ALOX5AP: variants seen among roughly 807,000 people sequenced by gnomAD.
ALOX5AP encodes arachidonate 5-lipoxygenase-activating protein.
A neutral mutation model predicts 18.5 loss-of-function variants in ALOX5AP; 9 were observed. The observed-to-expected ratio is 0.49, with a 90% CI of 0.29 to 0.85. The LOEUF (loss-of-function observed/expected upper bound fraction) is 0.85. ALOX5AP is among the 40% of genes least tolerant of loss of function. The probability of loss-of-function intolerance (pLI) is 0.08; values close to 1 mark genes in which losing one functional copy is unlikely to be tolerated. For missense variants in ALOX5AP, 172 were observed against 202.5 expected (o/e 0.85, Z 0.91); for synonymous variants, 81 against 78.6 (o/e 1.03, Z -0.16).
intron 1 of ALOX5AP, among the ~76,000 whole-genome samples, chr13:30,740,682 G>A (rs1347873134): frequency 6.6e-6 from 1 of 152,202 alleles, no homozygotes; most frequent in African/African-American, 2.4e-5. Flanking sequence ...TTGGACTGAA[G>A]CAGGTTTGTT....
At chr13:30,713,643 C>G in exon 1 of ALOX5AP, 1 of 985,124 alleles carries the variant, frequency 1.0e-6, no homozygotes, top group Non-Finnish European at 1.5e-6. Context: ...GAGGAGGACC[C>G]TGTCACATCT....
At chr13:30,748,937 C>T (rs1951830480) in intron 2 of ALOX5AP, among the ~76,000 whole-genome samples, 1 of 152,242 alleles carries the variant, frequency 6.6e-6, no homozygotes. Context: ...GCTAAAGCCA[C>T]TTGAATTCAG....
chr13:30,757,342 G>A (rs1264761336), intron 4 of ALOX5AP, among the ~76,000 whole-genome samples: 3 of 152,102 alleles, frequency 2.0e-5, no homozygotes, highest in Non-Finnish European at 4.4e-5. Flanking sequence ...GCTGCAGCTG[G>A]AAAAAGAATG....
At chr13:30,735,474 C>G, upstream of ALOX5AP, 1 of 1,129,774 alleles carries the variant, frequency 8.9e-7, no homozygotes, top group Non-Finnish European at 1.2e-6. Flanking sequence ...GAAGAAGGCA[C>G]TGTGTAATTG....
Position 30,753,886 on chromosome 13 carries a change from T to A in ALOX5AP, c.241+1764T>A, listed in dbSNP as rs571227876. On this transcript the variant is annotated intron_variant, in intron 3 of 4. Transcript: ENST00000380490. ...TTGGAGCAGAATCATTCAGATGGTATAACATAAGGAAAAACTTTGCCCAAG... is the reference window on the plus strand; with the variant it reads ...TTGGAGCAGAATCATTCAGATGGTAAAACATAAGGAAAAACTTTGCCCAAG... Among the ~76,000 whole-genome samples, 7 of 152,286 alleles carry A rather than the reference T, an allele frequency of 4.6e-5. No individual in the cohort carries two copies. The East Asian group carries it at 1.3e-3, about 29-fold the overall frequency.
rs144556108 is a variant in ALOX5AP, at chr13:30,743,766, A to T, written c.71-294A>T. Among the ~76,000 whole-genome samples the T allele has an allele frequency of 2.4e-3, 366 of 151,994 alleles. 2 individuals are homozygous for T. Among genetic ancestry groups the T allele is most frequent in the African/African-American group, 8.5e-3 (354 of 41,452 alleles). On this transcript the variant is annotated intron_variant, in intron 1 of 4. Transcript: ENST00000380490. ...ATGTACTCAATCTCATCTTGGCATGACTCACTTTGCTGTGTGGAATGTCTG... is the reference window on the plus strand; with the variant it reads ...ATGTACTCAATCTCATCTTGGCATGTCTCACTTTGCTGTGTGGAATGTCTG...
At chr13:30,735,821 T>C (rs1236860237) in intron 1 of ALOX5AP, 146 bp downstream of exon 1, 1 of 1,023,952 alleles carries the variant, frequency 9.8e-7, no homozygotes, top group Non-Finnish European at 1.4e-6. Flanking sequence ...TTTATTTGAA[T>C]GTATAGGGTT....
intron 2 of ALOX5AP, among the ~76,000 whole-genome samples, chr13:30,746,364 G>A (rs181524821): frequency 6.6e-4 from 100 of 152,358 alleles, no homozygotes; most frequent in African/African-American, 2.3e-3. Context: ...AGGGAGGGGA[G>A]AGATAGCCAT....
upstream of ALOX5AP, among the ~76,000 whole-genome samples, chr13:30,731,084 CT>C (rs1388452237): frequency 6.6e-6 from 1 of 152,194 alleles, no homozygotes; most frequent in Non-Finnish European, 1.5e-5. Flanking sequence ...GTAAAGTTAC[CT>C]TTGCTAACGG....
chr13:30,743,483 C>T (rs989759269), intron 1 of ALOX5AP, among the ~76,000 whole-genome samples: 8 of 151,994 alleles, frequency 5.3e-5, no homozygotes, highest in African/African-American at 1.9e-4. Context: ...TTGGCCTTGT[C>T]TGTGGTTCTA....
chr13:30,715,213 C>T (rs1951540472), intron 1 of ALOX5AP, among the ~76,000 whole-genome samples: 1 of 152,174 alleles, frequency 6.6e-6, no homozygotes. Flanking sequence ...TCCTGGGGCT[C>T]TCCAAGCTTC....
chr13:30,722,997 C>T (rs1951606385), intron 1 of ALOX5AP, among the ~76,000 whole-genome samples: 1 of 152,198 alleles, frequency 6.6e-6, no homozygotes, highest in African/African-American at 2.4e-5. Flanking sequence ...GCCAAATCAA[C>T]TTCTTTTCTT....
At chr13:30,750,043 C>T (rs1455475705) in intron 2 of ALOX5AP, among the ~76,000 whole-genome samples, 3 of 152,170 alleles carry the variant, frequency 2.0e-5, no homozygotes, top group East Asian at 3.8e-4. Context: ...GCATCAGCAT[C>T]ACATGGAGGG....
rs1480635944 is a variant in ALOX5AP at position 30,716,414 on chromosome 13, G to A, written c.116+2573G>A. On this transcript the variant is annotated intron_variant, in intron 1 of 5. Transcript: ENST00000617770. ...TACTCAACATGTGCTCCAAGGAGCT[G>A]TTGTATCAGCTTATCAGAAATGTAG... 2.6e-5 allele frequency among the ~76,000 whole-genome samples: 4 copies of A among 152,356 alleles called. 1 individual carries two copies. Among genetic ancestry groups the A allele is most frequent in the African/African-American group, 7.2e-5 (3 of 41,578 alleles).
At chr13:30,750,581 A>T (rs543115769) in intron 2 of ALOX5AP, among the ~76,000 whole-genome samples, 5 of 152,312 alleles carry the variant, frequency 3.3e-5, no homozygotes, top group African/African-American at 9.6e-5. Context: ...TGAGCAAGTT[A>T]TTCAGCTTCT....
intron 4 of ALOX5AP, among the ~76,000 whole-genome samples, chr13:30,758,608 G>C (rs564140641): frequency 6.6e-6 from 1 of 152,128 alleles, no homozygotes. Flanking sequence ...GGATTTTGCA[G>C]CTCCCTTTTT....
chr13:30,728,748 T>C (rs1267494052), intron 1 of ALOX5AP, among the ~76,000 whole-genome samples: 1 of 152,180 alleles, frequency 6.6e-6, no homozygotes, highest in African/African-American at 2.4e-5. Flanking sequence ...CTCAGGAGGC[T>C]GAGGTGGGAG....
chr13:30,739,518 T>A (rs934550550), intron 1 of ALOX5AP, among the ~76,000 whole-genome samples: 1 of 152,246 alleles, frequency 6.6e-6, no homozygotes, highest in African/African-American at 2.4e-5. Flanking sequence ...GACTGCAACC[T>A]CTGCCTCCCA....
intron 2 of ALOX5AP, among the ~76,000 whole-genome samples, chr13:30,745,827 C>T (rs937867573): frequency 9.9e-5 from 15 of 152,160 alleles, no homozygotes; most frequent in African/African-American, 3.1e-4. Flanking sequence ...TCTCCCCAGA[C>T]GAAATCCAAA....
Sources: allele counts gnomAD v4.1 joint callset (sites outside exome capture counted in the v4.1 genomes callset), GRCh38; gene constraint gnomAD v4.1.1; transcripts MANE v1.5; gene names NCBI Gene and HGNC (gene_info 2026-07-23, HGNC 2026-07-21).